GAREM1: variants seen among roughly 807,000 people sequenced by gnomAD.
The protein encoded by GAREM1 is GRB2 associated regulator of MAPK1 subtype 1, also known as GRB2-associated and regulator of MAPK protein 1.
Under a neutral mutation model 71.3 loss-of-function variants are expected in GAREM1, and 26 were observed. That is an observed-to-expected ratio of 0.36 (90% CI 0.27 to 0.51). The LOEUF (loss-of-function observed/expected upper bound fraction) is 0.51, where lower values mean the gene tolerates loss of function less well. Ranked by LOEUF, GAREM1 falls within the 20% of genes least tolerant of loss-of-function variation. The pLI is 0.95. For synonymous variants in GAREM1, 440 were observed against 433.2 expected (o/e 1.02, Z -0.20); for missense variants, 1,026 against 1,103.1 (o/e 0.93, Z 0.99).
intron 3 of GAREM1, among the ~76,000 whole-genome samples, chr18:32,305,096 CA>C (rs1195975096): frequency 6.6e-6 from 1 of 151,368 alleles, no homozygotes; most frequent in Non-Finnish European, 1.5e-5. Context: ...TAAACGAAAA[CA>C]ACATTCTTAC....
At chr18:32,299,059 A>G (rs1014497136) in intron 3 of GAREM1, among the ~76,000 whole-genome samples, 2 of 152,222 alleles carry the variant, frequency 1.3e-5, no homozygotes, top group Non-Finnish European at 2.9e-5. Flanking sequence ...AGAGGGCCCA[A>G]AACCTCAGAT....
rs2048216346 is a variant in GAREM1 at position 32,392,916 on chromosome 18, CTA to C, written c.239_240del (p.Ile80ArgfsTer34). The C allele has an allele frequency of 6.2e-7, 1 of 1,613,700 alleles. No individual in the cohort carries two copies. The highest frequency in any genetic ancestry group is 8.5e-7 in the Non-Finnish European group (1 of 1,179,848). On this transcript the variant is annotated frameshift_variant, in exon 2 of 6. Coordinates refer to ENST00000269209, the MANE Select transcript of GAREM1 (RefSeq NM_001242409.2). LOFTEE classifies it high-confidence loss of function. ...EEGHYVIGPK[I>X]EIPVHYAGQF... ...TTACCTGCATAATGTACCGGAATCTCTATCTTTGGCCCAATGACATAGTGACC... is the reference window on the plus strand; with the variant it reads ...TTACCTGCATAATGTACCGGAATCTCTCTTTGGCCCAATGACATAGTGACC...
chr18:32,470,540 G>C lies in GAREM1; in HGVS notation c.-112C>G, dbSNP rs1381335508. ...GGTCTGGGGCGCGCGGGAGGCGCCG[G>C]GCAGCTCCGGCCGCGGGCAGCCGGG... On this transcript the variant is annotated 5_prime_UTR_variant, in exon 1 of 6. Transcript: ENST00000269209. The surrounding 1 kb of genome is among the most constrained non-coding windows in gnomAD (Gnocchi z 4.4). The C allele has an allele frequency of 1.3e-6, 1 of 762,466 alleles. No individual in the cohort carries two copies. Among genetic ancestry groups the C allele is most frequent in the Non-Finnish European group, 1.6e-6 (1 of 628,442 alleles). 47.2% of individuals were successfully genotyped at this position (762,466 alleles called of 1,614,324 possible). A position where few individuals can be genotyped will look rare whatever the true frequency, so the allele number is the denominator to read the frequency against.
intron 2 of GAREM1, among the ~76,000 whole-genome samples, chr18:32,352,091 A>C (rs976068809): frequency 6.6e-6 from 1 of 152,216 alleles, no homozygotes; most frequent in Non-Finnish European, 1.5e-5. Context: ...CCAAACCCAA[A>C]CAAAGGCATT....
chr18:32,338,157 C>T (rs1318043239), intron 2 of GAREM1, among the ~76,000 whole-genome samples: 1 of 152,200 alleles, frequency 6.6e-6, no homozygotes, highest in Non-Finnish European at 1.5e-5. Context: ...CTCTAATTTC[C>T]AAGTAGCTTG....
intron 4 of GAREM1, among the ~76,000 whole-genome samples, chr18:32,275,332 T>C (rs1567944280): frequency 6.6e-6 from 1 of 152,206 alleles, no homozygotes; most frequent in East Asian, 1.9e-4. Context: ...TGACTGGACT[T>C]CCACTGGCAA....
chr18:32,320,182 A>C (rs1431005688), intron 2 of GAREM1, among the ~76,000 whole-genome samples: 3 of 152,210 alleles, frequency 2.0e-5, no homozygotes, highest in Admixed American at 2.0e-4. Context: ...TATCATTGCC[A>C]GTCCAACAGG....
At chr18:32,381,927 C>A (rs1333565006) in intron 2 of GAREM1, among the ~76,000 whole-genome samples, 1 of 152,198 alleles carries the variant, frequency 6.6e-6, no homozygotes, top group Admixed American at 6.5e-5. Context: ...CACTCCTAGA[C>A]AGCTGTCAGA....
chr18:32,429,034 C>G (rs1031708164), intron 1 of GAREM1, among the ~76,000 whole-genome samples: 1 of 152,142 alleles, frequency 6.6e-6, no homozygotes, highest in South Asian at 2.1e-4. Flanking sequence ...CCTCTCCTCT[C>G]AAAAAATAAC....
intron 2 of GAREM1, among the ~76,000 whole-genome samples, chr18:32,366,804 T>G (rs535000874): frequency 6.6e-6 from 1 of 152,304 alleles, no homozygotes; most frequent in East Asian, 1.9e-4. Context: ...CAGCTCTTAG[T>G]TGTTGAGAAA....
chr18:32,438,005 C>A (rs1165808477), intron 1 of GAREM1, among the ~76,000 whole-genome samples: 1 of 152,056 alleles, frequency 6.6e-6, no homozygotes, highest in Non-Finnish European at 1.5e-5. Flanking sequence ...AATAACCCAA[C>A]CCCAGCACCT....
Position 32,412,651 on chromosome 18 carries a change from C to T in GAREM1, c.122-19616G>A, listed in dbSNP as rs1028497478. Reference sequence around the variant, plus strand: ...TGCTTTGACAGGGCTTTTCTAACTTCACAGTTGTGGCCATTCACAGTATGG... The same window carrying T: ...TGCTTTGACAGGGCTTTTCTAACTTTACAGTTGTGGCCATTCACAGTATGG... On this transcript the variant is annotated intron_variant, in intron 1 of 5. Coordinates refer to ENST00000269209, the MANE Select transcript of GAREM1 (RefSeq NM_001242409.2). 2.7e-6 allele frequency: 4 copies of T among 1,458,050 alleles called. No homozygotes were observed. In the African/African-American group the frequency reaches 5.6e-5, roughly 20 times the overall value. The allele number at this position is 1,458,050 out of a possible 1,614,324, so 90.3% of individuals were successfully genotyped here.
At chr18:32,438,735 A>G (rs2048706256) in intron 1 of GAREM1, among the ~76,000 whole-genome samples, 1 of 152,210 alleles carries the variant, frequency 6.6e-6, no homozygotes, top group Non-Finnish European at 1.5e-5. Context: ...CTATAAAATG[A>G]AATCTATAAT....
Position 32,268,439 on chromosome 18 carries a change from A to T in GAREM1, c.2063T>A (p.Phe688Tyr). 1 of 1,614,160 alleles carries T rather than the reference A, an allele frequency of 6.2e-7. No homozygotes were observed. Among genetic ancestry groups the T allele is most frequent in the Non-Finnish European group, 8.5e-7 (1 of 1,180,020 alleles). The change falls in exon 6 of 6, where the codon TTC becomes TAC. Residue 688 changes from phenylalanine (F) to tyrosine (Y), a missense_variant. By Grantham distance (22) the Phe-to-Tyr change is conservative. Around this residue, in one of 3 missense-constraint regions of GAREM1, gnomAD observed 636 missense variants for 631.2 expected, o/e 1.01. Coordinates refer to ENST00000269209, the MANE Select transcript of GAREM1 (RefSeq NM_001242409.2). ...ASPTSPVTAE[F>Y]SSSVSGCPKS... ...GGGACAACCAGAGACGCTGCTACTG[A>T]ATTCTGCAGTGACTGGGCTAGTGGG...
chr18:32,312,422 A>G (rs1176230382), intron 2 of GAREM1, among the ~76,000 whole-genome samples: 1 of 152,170 alleles, frequency 6.6e-6, no homozygotes, highest in East Asian at 1.9e-4. Context: ...CTTACAGGAC[A>G]GTGAAATGAG....
In GAREM1 at chr18:32,281,188, T is replaced by C. The variant is rs78329625; in HGVS notation, c.1566+5843A>G. On this transcript the variant is annotated intron_variant, in intron 4 of 5. Coordinates refer to ENST00000269209, the MANE Select transcript of GAREM1 (RefSeq NM_001242409.2). The stretch of plus-strand genomic sequence containing the variant: ...AAGCTACAAAGTGGTAGCATGAGGA[T>C]TGAAATCGATGTGCAGCTCTCAGAT... Among the ~76,000 whole-genome samples the C allele has an allele frequency of 2.1e-3, 317 of 152,336 alleles. 10 individuals carry two copies. The East Asian group carries it at 0.046, about 22-fold the overall frequency.
chr18:32,402,926 T>A lies in GAREM1; in HGVS notation c.122-9891A>T, dbSNP rs561963226. ...TTTTCAATCTTTTCTTTCCTTCTTT[T>A]TCTTTTATTGAGACAGAGTCTTGCT... On this transcript the variant is annotated intron_variant, in intron 1 of 5. Coordinates refer to ENST00000269209, the MANE Select transcript of GAREM1 (RefSeq NM_001242409.2). 1.3e-4 allele frequency among the ~76,000 whole-genome samples: 20 copies of A among 152,218 alleles called. 1 individual carries two copies. In the South Asian group the frequency reaches 2.5e-3, roughly 19 times the overall value.
At chr18:32,378,498 C>CG (rs1315929183) in intron 2 of GAREM1, among the ~76,000 whole-genome samples, 1 of 136,524 alleles carries the variant, frequency 7.3e-6, no homozygotes, top group African/African-American at 2.8e-5. Context: ...AGACTGTCTC[C>CG]GAAAAAAAAA....
intron 4 of GAREM1, among the ~76,000 whole-genome samples, chr18:32,283,189 C>T (rs569723529): frequency 1.8e-4 from 28 of 152,292 alleles, no homozygotes; most frequent in African/African-American, 5.5e-4. Flanking sequence ...GGGACATTCC[C>T]GTGAGGAAGA....
Sources: allele counts gnomAD v4.1 joint callset (sites outside exome capture counted in the v4.1 genomes callset), GRCh38; gene constraint gnomAD v4.1.1; regional missense constraint gnomAD v4.1.1; non-coding constraint Gnocchi (gnomAD v3.1); transcripts MANE v1.5; gene names NCBI Gene and HGNC (gene_info 2026-07-23, HGNC 2026-07-21).